ARMC2: variants seen among roughly 807,000 people sequenced by gnomAD.
ARMC2 encodes the protein armadillo repeat-containing protein 2.
In ARMC2, 67 loss-of-function variants were observed where a neutral mutation model predicts 90.3. The ratio of observed to expected loss-of-function variants is 0.74; its 90% CI spans 0.61 to 0.91. The LOEUF (loss-of-function observed/expected upper bound fraction) is 0.91, where lower values mean the gene tolerates loss of function less well. Among genes scored for constraint, ARMC2 ranks in the 40% least tolerant of loss-of-function variants. ARMC2 has a pLI of 0.00. For missense variants in ARMC2, 920 were observed against 1,030.9 expected, an observed-to-expected ratio of 0.89 and a Z score of 1.47; for synonymous variants, 393 against 393.0, an observed-to-expected ratio of 1.00 and a Z score of 0.00.
intron 12 of ARMC2, among the ~76,000 whole-genome samples, chr6:108,941,440 G>A (rs1424618459): frequency 6.6e-6 from 1 of 152,214 alleles, no homozygotes; most frequent in African/African-American, 2.4e-5. Flanking sequence ...GATAAGGTAT[G>A]GAATAGGTGG....
chr6:109,005,275 AAAGCTCTTC>A, the ARMC2 span, among the ~76,000 whole-genome samples: 6 of 152,362 alleles, frequency 3.9e-5, no homozygotes, highest in African/African-American at 1.4e-4. Context: ...GTTGACTTTA[AAAGCTCTTC>A]AAGTTATATT....
At position 108,876,323 on chromosome 6, in the gene ARMC2, C is replaced by T; in HGVS notation, c.644C>T (p.Ser215Phe). 1 of 1,612,232 alleles carries T rather than the reference C, an allele frequency of 6.2e-7. No homozygotes were observed. ...CAAGAAATGTTCAAAGGAACAACAT[C>T]TTTACCATCTCATCTCAAGAATGGA... The part of the protein sequence containing the change: ...KEQEMFKGTT[S>F]LPSHLKNGGD... Residue 215 changes from serine (S) to phenylalanine (F), a missense_variant, in exon 5 of 18, where the codon TCT becomes TTT. By Grantham distance (155) the Ser-to-Phe change is radical. Transcript: ENST00000392644.
At chr6:108,881,158 T>G (rs944934819) in intron 5 of ARMC2, among the ~76,000 whole-genome samples, 1 of 152,006 alleles carries the variant, frequency 6.6e-6, no homozygotes, top group African/African-American at 2.4e-5. Context: ...CTGGCTTGCT[T>G]TCTTTTCTTT....
At chr6:108,913,478 G>A (rs535388446) in intron 10 of ARMC2, among the ~76,000 whole-genome samples, 57 of 152,310 alleles carry the variant, frequency 3.7e-4, no homozygotes, top group Non-Finnish European at 7.1e-4. Context: ...TGTATGCCCT[G>A]TTTTGGCTAG....
At chr6:109,032,313 C>T in the ARMC2 span, among the ~76,000 whole-genome samples, 1 of 151,714 alleles carries the variant, frequency 6.6e-6, no homozygotes, top group Non-Finnish European at 1.5e-5. Flanking sequence ...ATGAGGCGTG[C>T]TCCCCCTGTA....
chr6:108,985,939 G>GACA, the ARMC2 span, among the ~76,000 whole-genome samples: 2 of 152,100 alleles, frequency 1.3e-5, no homozygotes, highest in Non-Finnish European at 2.9e-5. Flanking sequence ...CTTCTCATGA[G>GACA]AGTAAATATC....
chr6:108,976,437 A>G (rs988587952), downstream of ARMC2, among the ~76,000 whole-genome samples: 12 of 152,060 alleles, frequency 7.9e-5, no homozygotes, highest in South Asian at 2.1e-4. Context: ...GTCAGGTAGC[A>G]TGATGCCTCC....
rs556525534 is a variant in ARMC2 at position 108,949,400 on chromosome 6, A to C, written c.1597-3633A>C. On this transcript the variant is annotated intron_variant, in intron 12 of 17. Coordinates refer to ENST00000392644, the MANE Select transcript of ARMC2 (RefSeq NM_032131.6). ...TGCTTAGGACAATGCCTGGCACATCATGAGTACTAATAAGTACTGTGTGTT... is the reference window on the plus strand; with the variant it reads ...TGCTTAGGACAATGCCTGGCACATCCTGAGTACTAATAAGTACTGTGTGTT... Among the ~76,000 whole-genome samples the C allele has an allele frequency of 5.9e-5, 9 of 152,372 alleles. No homozygotes were observed. In the East Asian group the frequency reaches 1.7e-3, roughly 29 times the overall value.
At chr6:108,954,305 T>C (rs1328247502) in intron 13 of ARMC2, among the ~76,000 whole-genome samples, 1 of 152,132 alleles carries the variant, frequency 6.6e-6, no homozygotes, top group Admixed American at 6.6e-5. Flanking sequence ...TGTAGGAAAA[T>C]TAACTGCAAC....
At chr6:108,960,099 G>T (rs547258487) in intron 13 of ARMC2, among the ~76,000 whole-genome samples, 3 of 152,294 alleles carry the variant, frequency 2.0e-5, no homozygotes, top group East Asian at 3.9e-4. Context: ...TGCTTCAGAA[G>T]CACCTCAGCA....
the ARMC2 span, among the ~76,000 whole-genome samples, chr6:109,050,638 A>G: frequency 6.6e-6 from 1 of 152,206 alleles, no homozygotes; most frequent in African/African-American, 2.4e-5. Flanking sequence ...AGGCAGCAGA[A>G]GTTCCCTCCC....
At chr6:108,972,084 CAG>C (rs1294635189) in intron 17 of ARMC2, among the ~76,000 whole-genome samples, 1 of 152,156 alleles carries the variant, frequency 6.6e-6, no homozygotes, top group African/African-American at 2.4e-5. Context: ...GTCTGTCACA[CAG>C]AGTGTGAGGC....
intron 3 of ARMC2, among the ~76,000 whole-genome samples, chr6:108,867,818 C>G (rs9480889): frequency 0.76 from 114,497 of 150,946 alleles, 43,835 homozygotes; most frequent in Middle Eastern, 0.82. Context: ...TCCTTTAATC[C>G]TAGCTACTCG....
intron 14 of ARMC2, 112 bp downstream of exon 14, chr6:108,961,806 G>A (rs1778019436): frequency 1.5e-6 from 2 of 1,298,698 alleles, no homozygotes; most frequent in Admixed American, 2.4e-5. Flanking sequence ...GTACAGAAAT[G>A]TCTTAGAGCC....
chr6:109,043,627 T>C, the ARMC2 span, among the ~76,000 whole-genome samples: 80 of 151,992 alleles, frequency 5.3e-4, no homozygotes, highest in African/African-American at 1.8e-3. Flanking sequence ...AAAAAGAAAA[T>C]AGGCATAAAT....
chr6:109,020,448 G>A, the ARMC2 span, among the ~76,000 whole-genome samples: 1 of 152,044 alleles, frequency 6.6e-6, no homozygotes, highest in Non-Finnish European at 1.5e-5. Context: ...AGAAAATAAA[G>A]GTAGAAATAT....
At chr6:109,040,740 C>A in the ARMC2 span, among the ~76,000 whole-genome samples, 1 of 151,436 alleles carries the variant, frequency 6.6e-6, no homozygotes, top group Non-Finnish European at 1.5e-5. Context: ...GCAAGCTCTG[C>A]CTCCTGGGTT....
intron 1 of ARMC2, among the ~76,000 whole-genome samples, chr6:108,849,574 C>A (rs1773798376): frequency 6.6e-6 from 1 of 152,098 alleles, no homozygotes; most frequent in Non-Finnish European, 1.5e-5. Context: ...AAACGTCATT[C>A]TCTCTTTTGC....
At chr6:109,002,780 A>G in the ARMC2 span, among the ~76,000 whole-genome samples, 363 of 152,364 alleles carry the variant, frequency 2.4e-3, 1 homozygote, top group African/African-American at 8.3e-3. Flanking sequence ...AAGTGTAATT[A>G]TTATTACATC....
Sources: gnomAD v4.1 joint callset for allele counts (sites outside exome capture counted in the v4.1 genomes callset) on GRCh38, gnomAD v4.1.1 for gene constraint, MANE v1.5 for transcripts, NCBI Gene and HGNC (gene_info 2026-07-23, HGNC 2026-07-21) for gene names.